LCORL: variants seen among roughly 807,000 people sequenced by gnomAD.
LCORL encodes the protein ligand dependent nuclear receptor corepressor like, also known as ligand-dependent nuclear receptor corepressor-like protein.
A neutral mutation model predicts 141.8 loss-of-function variants in LCORL; 41 were observed. That is an observed-to-expected ratio of 0.29 (90% CI 0.23 to 0.38). The LOEUF (loss-of-function observed/expected upper bound fraction) is 0.38. Among genes scored for constraint, LCORL ranks in the 10% least tolerant of loss-of-function variants. The pLI is 1.00. For synonymous variants in LCORL, 618 were observed against 694.1 expected (o/e 0.89, Z 1.72); for missense variants, 1,759 against 2,035.0 (o/e 0.86, Z 2.61).
chr4:18,018,299 C>T (rs1053981105), intron 1 of LCORL, among the ~76,000 whole-genome samples: 9 of 152,136 alleles, frequency 5.9e-5, no homozygotes, highest in African/African-American at 2.2e-4. Context: ...CTATTTACTA[C>T]ATCCAATAAG....
At chr4:18,010,412 G>GTGTATA (rs1436457387) in intron 1 of LCORL, among the ~76,000 whole-genome samples, 1 of 151,480 alleles carries the variant, frequency 6.6e-6, no homozygotes, top group African/African-American at 2.4e-5. Flanking sequence ...GTGTGTGTGT[G>GTGTATA]TATATATATA....
intron 1 of LCORL, among the ~76,000 whole-genome samples, chr4:17,996,516 T>G (rs996135955): frequency 6.6e-6 from 1 of 152,002 alleles, no homozygotes; most frequent in South Asian, 2.1e-4. Flanking sequence ...AGAAGACTGA[T>G]AGTGAGTGAA....
intron 4 of LCORL, chr4:17,912,237 C>A: frequency 2.7e-6 from 2 of 733,206 alleles, no homozygotes. Context: ...CTGTGGAGAG[C>A]AACATTATGG....
intron 4 of LCORL, among the ~76,000 whole-genome samples, chr4:17,952,094 TC>T (rs1232589021): frequency 6.6e-6 from 1 of 152,150 alleles, no homozygotes. Context: ...AAGTGCTTCT[TC>T]CCATAAAGTA....
At chr4:17,871,391 T>C (rs1726320134) in intron 7 of LCORL, among the ~76,000 whole-genome samples, 1 of 151,892 alleles carries the variant, frequency 6.6e-6, no homozygotes. Flanking sequence ...ATTTTAAAAC[T>C]GCCCAAAAGG....
intron 1 of LCORL, chr4:18,020,618 C>T (rs1454880374): frequency 6.6e-6 from 1 of 150,984 alleles, no homozygotes; most frequent in Non-Finnish European, 1.5e-5. Context: ...TCCCACCATT[C>T]CTGTCACCCT....
At chr4:17,936,502 C>T (rs1427935531) in intron 4 of LCORL, among the ~76,000 whole-genome samples, 2 of 151,990 alleles carry the variant, frequency 1.3e-5, no homozygotes, top group Non-Finnish European at 2.9e-5. Flanking sequence ...TGTGGTCTCA[C>T]CAACAAAAAC....
At chr4:17,956,987 G>T (rs188574774) in intron 4 of LCORL, among the ~76,000 whole-genome samples, 3 of 152,040 alleles carry the variant, frequency 2.0e-5, no homozygotes, top group Admixed American at 6.6e-5. Flanking sequence ...GTCAGAAAAA[G>T]GGATAGGTAA....
At chr4:17,920,718 C>T (rs1734155222) in intron 4 of LCORL, among the ~76,000 whole-genome samples, 1 of 152,236 alleles carries the variant, frequency 6.6e-6, no homozygotes, top group South Asian at 2.1e-4. Flanking sequence ...GGTGTCATTT[C>T]AACAATGCTC....
chr4:17,912,483 C>G (rs2109339222), intron 4 of LCORL: 1 of 525,122 alleles, frequency 1.9e-6, no homozygotes, highest in East Asian at 4.7e-5. Context: ...CTCAGAAGAA[C>G]CGACAGGAAC....
chr4:18,006,246 C>T (rs147954677), intron 1 of LCORL, among the ~76,000 whole-genome samples: 1 of 152,126 alleles, frequency 6.6e-6, no homozygotes, highest in Non-Finnish European at 1.5e-5. Flanking sequence ...CAGTTCCCAA[C>T]AAGTTCTTCA....
At chr4:17,900,663 T>G (rs1260336421) in intron 5 of LCORL, among the ~76,000 whole-genome samples, 2 of 152,182 alleles carry the variant, frequency 1.3e-5, no homozygotes, top group Non-Finnish European at 2.9e-5. Flanking sequence ...AGACACAGGT[T>G]AAATCATGAT....
intron 4 of LCORL, among the ~76,000 whole-genome samples, chr4:17,924,207 C>T (rs1045638294): frequency 1.3e-5 from 2 of 152,152 alleles, no homozygotes; most frequent in African/African-American, 2.4e-5. Flanking sequence ...TCTGAGTGCT[C>T]ACCAATGGGT....
At chr4:17,933,300 C>T (rs1736344563) in intron 4 of LCORL, among the ~76,000 whole-genome samples, 1 of 152,060 alleles carries the variant, frequency 6.6e-6, no homozygotes, top group Non-Finnish European at 1.5e-5. Flanking sequence ...TTCTTTGGGT[C>T]TCCAATTACA....
intron 5 of LCORL, among the ~76,000 whole-genome samples, chr4:17,899,130 T>A (rs1730462898): frequency 6.6e-6 from 1 of 152,192 alleles, no homozygotes; most frequent in Non-Finnish European, 1.5e-5. Flanking sequence ...GCTGTTCATA[T>A]TTTACATTTC....
chr4:17,937,572 A>G (rs1246022994), intron 4 of LCORL, among the ~76,000 whole-genome samples: 3 of 152,222 alleles, frequency 2.0e-5, no homozygotes, highest in Non-Finnish European at 4.4e-5. Flanking sequence ...GAAGGGAATA[A>G]ATGAAAAACC....
chr4:17,873,112 CA>C (rs1726551576), intron 7 of LCORL, among the ~76,000 whole-genome samples: 1 of 152,014 alleles, frequency 6.6e-6, no homozygotes, highest in South Asian at 2.1e-4. Context: ...ATAACATCTA[CA>C]TTATTAAAAT....
In LCORL at chr4:17,989,049, A is replaced by G. The variant is rs138272381; in HGVS notation, c.155-16164T>C. On this transcript the variant is annotated intron_variant, in intron 1 of 7. Coordinates refer to ENST00000635767, the Ensembl canonical transcript of LCORL. ...TTTTTGGTTTCCATGGATGTGGCCA[A>G]TTTATATCCAAAACACTTGCTAAAC... Among the ~76,000 whole-genome samples the G allele has an allele frequency of 2.6e-5, 4 of 152,352 alleles. No homozygotes were observed. The East Asian group carries it at 7.7e-4, about 29-fold the overall frequency.
chr4:17,912,340 A>T (rs572417296), intron 4 of LCORL: 6 of 672,726 alleles, frequency 8.9e-6, no homozygotes, highest in Non-Finnish European at 1.7e-5. Flanking sequence ...CTTCATGAAG[A>T]ACCATGAAGA....
Sources: allele counts gnomAD v4.1 joint callset (sites outside exome capture counted in the v4.1 genomes callset), GRCh38; gene constraint gnomAD v4.1.1; transcripts MANE v1.5; gene names NCBI Gene and HGNC (gene_info 2026-07-23, HGNC 2026-07-21).